The following ROBO1 variants were observed in gnomAD, a reference collection of about 807,000 sequenced individuals.
The protein encoded by ROBO1 is roundabout guidance receptor 1, also known as roundabout homolog 1.
ROBO1 carries 149 observed loss-of-function variants against 195.9 expected under a neutral mutation model. The observed-to-expected ratio is 0.76, with a 90% confidence interval of 0.67 to 0.87. The LOEUF (loss-of-function observed/expected upper bound fraction) is 0.87. Ranked by LOEUF, ROBO1 falls within the 40% of genes least tolerant of loss-of-function variation. The pLI is 0.00. For missense variants in ROBO1, 1,933 were observed against 2,068.3 expected (o/e 0.93, Z 1.27); for synonymous variants, 816 against 733.2 (o/e 1.11, Z -1.82).
chr3:79,003,568 T>C (rs1238468638), intron 3 of ROBO1, among the ~76,000 whole-genome samples: 2 of 152,092 alleles, frequency 1.3e-5, no homozygotes, highest in Non-Finnish European at 2.9e-5. Context: ...TAGATACTCA[T>C]ATTATCTCAA....
chr3:79,617,491 G>A lies in ROBO1; in HGVS notation c.-50-27530C>T, dbSNP rs112937737. On this transcript the variant is annotated intron_variant, in intron 1 of 30. Transcript: ENST00000464233. ...AGGAATAAATATGAAGCCTTGCCCC[G>A]TGAAAGCAACCAGAATTGAAGGCAG... 3.8e-3 allele frequency among the ~76,000 whole-genome samples: 576 copies of A among 152,132 alleles called. 3 individuals are homozygous for A. Among genetic ancestry groups the A allele is most frequent in the African/African-American group, 8.4e-3 (350 of 41,496 alleles).
intron 5 of ROBO1, among the ~76,000 whole-genome samples, chr3:78,743,177 C>T (rs1039672730): frequency 1.3e-5 from 2 of 152,136 alleles, no homozygotes; most frequent in South Asian, 2.1e-4. Context: ...TAAAAAGAGT[C>T]GTCTATGCTC....
chr3:79,708,508 G>A (rs1473274165), intron 1 of ROBO1, among the ~76,000 whole-genome samples: 1 of 152,108 alleles, frequency 6.6e-6, no homozygotes, highest in Non-Finnish European at 1.5e-5. Flanking sequence ...AATCCTAAGA[G>A]AATAGCAGTA....
chr3:79,741,390 G>C (rs1703642860), intron 1 of ROBO1, among the ~76,000 whole-genome samples: 1 of 151,800 alleles, frequency 6.6e-6, no homozygotes, highest in Non-Finnish European at 1.5e-5. Context: ...TTTCAGATTT[G>C]ACTTTTTTTT....
intron 3 of ROBO1, among the ~76,000 whole-genome samples, chr3:79,092,499 T>C (rs1161746768): frequency 2.0e-5 from 3 of 152,142 alleles, no homozygotes; most frequent in Non-Finnish European, 4.4e-5. Context: ...ATTGAAGGAA[T>C]TAGTCTTTGT....
intron 2 of ROBO1, among the ~76,000 whole-genome samples, chr3:79,233,491 T>C (rs1412483910): frequency 6.6e-6 from 1 of 152,116 alleles, no homozygotes; most frequent in African/African-American, 2.4e-5. Context: ...GTATAACTTA[T>C]ACAGAAGTTG....
intron 4 of ROBO1, among the ~76,000 whole-genome samples, chr3:78,822,530 G>A (rs1039363297): frequency 6.6e-6 from 1 of 151,994 alleles, no homozygotes; most frequent in Admixed American, 6.5e-5. Context: ...ACAATCTGGT[G>A]GATGAATTCT....
intron 4 of ROBO1, among the ~76,000 whole-genome samples, chr3:78,929,034 C>T (rs1268800195): frequency 6.6e-6 from 1 of 151,900 alleles, no homozygotes; most frequent in Admixed American, 6.6e-5. Context: ...AGCTTTTATT[C>T]TGAATTTGCT....
intron 4 of ROBO1, among the ~76,000 whole-genome samples, chr3:78,835,518 C>A (rs958582031): frequency 3.9e-5 from 6 of 152,166 alleles, no homozygotes; most frequent in Non-Finnish European, 8.8e-5. Context: ...ATATTCTTCA[C>A]ATTACAATGT....
At chr3:79,105,765 T>C (rs899692288) in intron 3 of ROBO1, among the ~76,000 whole-genome samples, 3 of 151,776 alleles carry the variant, frequency 2.0e-5, no homozygotes, top group Non-Finnish European at 4.4e-5. Context: ...GAAAAGAGTA[T>C]ACCACAAAGC....
chr3:79,368,225 G>A (rs1335206550), intron 2 of ROBO1, among the ~76,000 whole-genome samples: 11 of 152,252 alleles, frequency 7.2e-5, no homozygotes, highest in African/African-American at 2.6e-4. Context: ...GAGCCACTGC[G>A]TATGACCTCC....
chr3:79,178,161 A>T (rs1254287881), intron 2 of ROBO1, among the ~76,000 whole-genome samples: 3 of 152,252 alleles, frequency 2.0e-5, no homozygotes, highest in Non-Finnish European at 4.4e-5. Context: ...AAAGATGCTT[A>T]CTCAATAACA....
chr3:79,310,660 G>C (rs538960716), intron 2 of ROBO1, among the ~76,000 whole-genome samples: 1 of 152,098 alleles, frequency 6.6e-6, no homozygotes, highest in Non-Finnish European at 1.5e-5. Flanking sequence ...ATAGATGTTT[G>C]AGTTGATGTA....
chr3:79,679,514 G>A (rs996357578), intron 1 of ROBO1, among the ~76,000 whole-genome samples: 3 of 151,980 alleles, frequency 2.0e-5, no homozygotes, highest in Non-Finnish European at 4.4e-5. Context: ...TTGAAGATAT[G>A]TGTATATGTT....
At chr3:79,370,536 G>A (rs910912645) in intron 2 of ROBO1, among the ~76,000 whole-genome samples, 13 of 151,792 alleles carry the variant, frequency 8.6e-5, no homozygotes, top group South Asian at 6.2e-4. Context: ...ATGGTCATCC[G>A]TCCACAACAT....
At chr3:79,663,676 C>G (rs997050476) in intron 1 of ROBO1, among the ~76,000 whole-genome samples, 11 of 151,958 alleles carry the variant, frequency 7.2e-5, no homozygotes, top group African/African-American at 2.2e-4. Context: ...TCCACCCTTT[C>G]TCTTCTAGTT....
intron 4 of ROBO1, among the ~76,000 whole-genome samples, chr3:78,801,441 G>C (rs2084368284): frequency 6.6e-6 from 1 of 151,938 alleles, no homozygotes; most frequent in African/African-American, 2.4e-5. Flanking sequence ...TAATATCAAA[G>C]TCTAAAATTC....
At chr3:78,674,191 CAT>C (rs1708260296) in intron 10 of ROBO1, among the ~76,000 whole-genome samples, 1 of 152,162 alleles carries the variant, frequency 6.6e-6, no homozygotes. Flanking sequence ...AAATAGAAGA[CAT>C]GAATTTGTAT....
At chr3:79,309,328 G>A (rs2033372151) in intron 2 of ROBO1, among the ~76,000 whole-genome samples, 1 of 152,102 alleles carries the variant, frequency 6.6e-6, no homozygotes, top group Non-Finnish European at 1.5e-5. Flanking sequence ...AAGCACTTTG[G>A]GAGGCCAAGG....
Sources: gnomAD v4.1 joint callset for allele counts (sites outside exome capture counted in the v4.1 genomes callset) on GRCh38, gnomAD v4.1.1 for gene constraint, MANE v1.5 for transcripts, NCBI Gene and HGNC (gene_info 2026-07-23, HGNC 2026-07-21) for gene names.